Variants in PDIA5 observed in about 807,000 individuals in gnomAD.
PDIA5 encodes the protein protein disulfide isomerase family A member 5.
In PDIA5, 58 loss-of-function variants were observed where a neutral mutation model predicts 77.6. The ratio of observed to expected loss-of-function variants is 0.75; its 90% confidence interval spans 0.61 to 0.93. The LOEUF (loss-of-function observed/expected upper bound fraction) is 0.93. Among genes scored for constraint, PDIA5 ranks in the 40% least tolerant of loss-of-function variants. PDIA5 has a pLI of 0.00. For missense variants in PDIA5, 630 were observed against 647.7 expected (o/e 0.97, Z 0.30); for synonymous variants, 250 against 252.1 (o/e 0.99, Z 0.08).
At chr3:123,134,298 G>A (rs1238890267) in intron 11 of PDIA5, among the ~76,000 whole-genome samples, 3 of 152,080 alleles carry the variant, frequency 2.0e-5, no homozygotes, top group East Asian at 1.9e-4. Flanking sequence ...TTTCTTTCCC[G>A]GTCCTGCTTA....
At chr3:123,093,522 T>C (rs1197453830) in intron 3 of PDIA5, among the ~76,000 whole-genome samples, 2 of 152,298 alleles carry the variant, frequency 1.3e-5, no homozygotes, top group African/African-American at 2.4e-5. Flanking sequence ...TGGAGGCTTA[T>C]TGTAGGGAGT....
At position 123,161,951 on chromosome 3, in the gene PDIA5, A is replaced by G. The variant is rs568241677; in HGVS notation, c.1551A>G (p.Glu517=). ...GDHERLGKKK[E]EL ...ATGAAAGACTAGGGAAAAAGAAGGA[A>G]GAGTTATAATTCCTGCCTCAGAAAA... The change falls in exon 17 of 17, where the codon GAA becomes GAG. Residue 517 remains glutamate (E), a synonymous_variant. Transcript: ENST00000316218. 26 of 1,588,614 alleles carry G rather than the reference A, an allele frequency of 1.6e-5. No individual in the cohort carries two copies. In the African/African-American group the frequency reaches 2.1e-4, roughly 13 times the overall value.
At chr3:123,120,395 C>G (rs1935084016) in intron 8 of PDIA5, among the ~76,000 whole-genome samples, 1 of 152,164 alleles carries the variant, frequency 6.6e-6, no homozygotes, top group Admixed American at 6.5e-5. Context: ...AACAAATGGG[C>G]TGTGTGGAAG....
At chr3:123,111,792 C>T (rs781607307) in intron 7 of PDIA5, among the ~76,000 whole-genome samples, 1 of 152,170 alleles carries the variant, frequency 6.6e-6, no homozygotes, top group Non-Finnish European at 1.5e-5. Flanking sequence ...TAAGCTGAGA[C>T]AAAAGTTTCG....
At chr3:123,075,739 A>G (rs1302356662) in intron 1 of PDIA5, among the ~76,000 whole-genome samples, 1 of 152,094 alleles carries the variant, frequency 6.6e-6, no homozygotes, top group Non-Finnish European at 1.5e-5. Context: ...CACCTTAAGG[A>G]GATATGTGTA....
At chr3:123,146,018 G>C (rs976553298) in intron 12 of PDIA5, 81 bp from the exon 13 acceptor site, 1 of 1,356,328 alleles carries the variant, frequency 7.4e-7, no homozygotes, top group South Asian at 1.3e-5. Context: ...GATGGGTTGT[G>C]GGGGCAGCGT....
chr3:123,155,904 G>A (rs1404933842), intron 15 of PDIA5, among the ~76,000 whole-genome samples: 2 of 152,140 alleles, frequency 1.3e-5, no homozygotes, highest in African/African-American at 4.8e-5. Context: ...GGCATAAGCT[G>A]AGCATAGAGT....
At position 123,150,357 on chromosome 3, in the gene PDIA5, C is replaced by T. The variant is rs377488800; in HGVS notation, c.1266C>T (p.Tyr422=). The change falls in exon 14 of 17, where the codon TAC becomes TAT. Residue 422 remains tyrosine, a synonymous_variant. Transcript: ENST00000316218. ...AGAAACACACCTTGGTCATGTTCTACGCCCCTTGTAAGTAGCTTGGGTGCT... is the reference window on the plus strand; with the variant it reads ...AGAAACACACCTTGGTCATGTTCTATGCCCCTTGTAAGTAGCTTGGGTGCT... ...KKKKHTLVMF[Y]APWCPHCKKV... 22 of 1,613,416 alleles carry T rather than the reference C, an allele frequency of 1.4e-5. No homozygotes were observed. The highest frequency in any genetic ancestry group is 6.7e-5 in the East Asian group (3 of 44,874).
chr3:123,090,314 T>C (rs910819197), intron 2 of PDIA5, among the ~76,000 whole-genome samples: 3 of 152,352 alleles, frequency 2.0e-5, no homozygotes, highest in South Asian at 4.1e-4. Context: ...AGTGTCCTCT[T>C]GAGGCCTGGG....
At chr3:123,155,565 A>C (rs992117801) in intron 15 of PDIA5, among the ~76,000 whole-genome samples, 11 of 152,328 alleles carry the variant, frequency 7.2e-5, no homozygotes, top group African/African-American at 2.6e-4. Flanking sequence ...CACATCCCCC[A>C]GGCAGCTGGT....
chr3:123,113,667 G>A (rs1181672089), intron 7 of PDIA5, among the ~76,000 whole-genome samples: 1 of 152,100 alleles, frequency 6.6e-6, no homozygotes, highest in East Asian at 1.9e-4. Flanking sequence ...AGTCTCCATG[G>A]CATCATAATT....
intron 1 of PDIA5, among the ~76,000 whole-genome samples, chr3:123,081,955 G>A (rs557663082): frequency 6.6e-6 from 1 of 152,354 alleles, no homozygotes; most frequent in Admixed American, 6.5e-5. Flanking sequence ...GCTGAGTGAA[G>A]AGAGGAGTTT....
chr3:123,160,878 G>T (rs764987431), intron 15 of PDIA5, among the ~76,000 whole-genome samples: 6 of 152,146 alleles, frequency 3.9e-5, no homozygotes, highest in African/African-American at 7.2e-5. Context: ...CAAACCAAGA[G>T]TGCACTTGGG....
At chr3:123,105,395 G>A (rs1408975095) in intron 5 of PDIA5, among the ~76,000 whole-genome samples, 7 of 152,166 alleles carry the variant, frequency 4.6e-5, no homozygotes, top group Non-Finnish European at 1.0e-4. Context: ...CTGTGGGTGA[G>A]TGTGGGTGTC....
intron 13 of PDIA5, among the ~76,000 whole-genome samples, chr3:123,146,696 T>C (rs1380312863): frequency 2.6e-5 from 4 of 152,240 alleles, no homozygotes; most frequent in Non-Finnish European, 4.4e-5. Flanking sequence ...AGGATAAAGA[T>C]TTTGAAGAGC....
In PDIA5 at chr3:123,106,819, T is replaced by C; in HGVS notation, c.458T>C (p.Val153Ala). 9 of 1,611,514 alleles carry C rather than the reference T, an allele frequency of 5.6e-6. No individual in the cohort carries two copies. Among genetic ancestry groups the C allele is most frequent in the Non-Finnish European group, 7.6e-6 (9 of 1,178,630 alleles). ...LWEEDPGAKDVVHLDSEKDFR... is the reference protein window; with the variant it reads ...LWEEDPGAKDAVHLDSEKDFR... ...GAGGAAGATCCTGGAGCCAAAGATG[T>C]TGTCCACCTTGACAGTGAAAAGGTA... The change falls in exon 6 of 17, where the codon GTT becomes GCT. Residue 153 changes from valine to alanine, a missense_variant. Coordinates refer to ENST00000316218, the MANE Select transcript of PDIA5 (RefSeq NM_006810.4).
intron 1 of PDIA5, among the ~76,000 whole-genome samples, chr3:123,081,933 CT>C (rs1208447811): frequency 6.6e-6 from 1 of 152,174 alleles, no homozygotes; most frequent in Admixed American, 6.5e-5. Context: ...GGCGATCAGC[CT>C]CATTAAGTGA....
intron 10 of PDIA5, among the ~76,000 whole-genome samples, chr3:123,124,880 C>T (rs569425312): frequency 2.6e-5 from 4 of 152,314 alleles, no homozygotes; most frequent in African/African-American, 9.6e-5. Flanking sequence ...AAGAAATATT[C>T]TAATGCCTTA....
intron 11 of PDIA5, among the ~76,000 whole-genome samples, chr3:123,134,154 GT>G (rs1295692543): frequency 1.3e-5 from 2 of 152,080 alleles, no homozygotes; most frequent in Non-Finnish European, 2.9e-5. Context: ...CTCCTGTGTA[GT>G]TGGGACTACA....
Sources: gnomAD v4.1 joint callset for allele counts (sites outside exome capture counted in the v4.1 genomes callset) on GRCh38, gnomAD v4.1.1 for gene constraint, MANE v1.5 for transcripts, NCBI Gene and HGNC (gene_info 2026-07-23, HGNC 2026-07-21) for gene names.